The following LAMC3 variants were observed in gnomAD, a reference collection of about 807,000 sequenced individuals.
LAMC3 encodes the protein laminin subunit gamma-3.
Under a neutral mutation model 173.8 loss-of-function variants are expected in LAMC3, and 128 were observed. The ratio of observed to expected loss-of-function variants is 0.74; its 90% confidence interval spans 0.64 to 0.85. The LOEUF is 0.85. LAMC3 is among the 40% of genes least tolerant of loss of function. LAMC3 has a pLI of 0.00. For synonymous variants in LAMC3, 897 were observed against 909.1 expected (o/e 0.99, Z 0.24); for missense variants, 2,022 against 2,156.0 (o/e 0.94, Z 1.23).
At chr9:131,017,343 A>G (rs1415881043) in intron 1 of LAMC3, among the ~76,000 whole-genome samples, 1 of 152,168 alleles carries the variant, frequency 6.6e-6, no homozygotes, top group Non-Finnish European at 1.5e-5. Context: ...GCGATAGGAA[A>G]CATCCCGGCT....
chr9:131,039,578 C>T (rs940688990), intron 6 of LAMC3, among the ~76,000 whole-genome samples: 3 of 150,944 alleles, frequency 2.0e-5, no homozygotes, highest in African/African-American at 7.4e-5. Context: ...CTGGAGGAGC[C>T]GTGGATCAGT....
intron 13 of LAMC3, among the ~76,000 whole-genome samples, chr9:131,063,970 T>C (rs935152694): frequency 6.6e-5 from 10 of 152,130 alleles, no homozygotes; most frequent in Admixed American, 5.2e-4. Context: ...TGCGGTGGCA[T>C]GATCTCAGCT....
At position 131,067,395 on chromosome 9, in the gene LAMC3, C is replaced by G. The variant is rs3765565; in HGVS notation, c.2593+190C>G. On this transcript the variant is annotated intron_variant, in intron 14 of 27. Transcript: ENST00000361069. ...CCAGAAAGCACAAGGGTTTGCCCCTCTCCCAGGTCTCTTTCAGCCGGGAGA... is the reference window on the plus strand; with the variant it reads ...CCAGAAAGCACAAGGGTTTGCCCCTGTCCCAGGTCTCTTTCAGCCGGGAGA... Among the ~76,000 whole-genome samples, 114,172 of 152,032 alleles carry G rather than the reference C, an allele frequency of 0.75. 44,061 individuals are homozygous for G. Among genetic ancestry groups the G allele is most frequent in the Non-Finnish European group, 0.84 (56,928 of 67,968 alleles).
chr9:131,017,064 C>T (rs1028502608), intron 1 of LAMC3, among the ~76,000 whole-genome samples: 1 of 152,154 alleles, frequency 6.6e-6, no homozygotes, highest in South Asian at 2.1e-4. Context: ...AAACAGGGTC[C>T]GGATCTGGGG....
Position 131,026,498 on chromosome 9 carries a change from A to G in LAMC3, c.587A>G (p.Asp196Gly). 1 of 1,613,324 alleles carries G rather than the reference A, an allele frequency of 6.2e-7. No homozygotes were observed. The highest frequency in any genetic ancestry group is 8.5e-7 in the Non-Finnish European group (1 of 1,179,910). The change falls in exon 2 of 28, where the codon GAC (aspartate) becomes GGC (glycine). Residue 196 changes from aspartate to glycine, a missense_variant. Physicochemically the swap from Asp to Gly is moderately conservative, Grantham distance 94. Transcript: ENST00000361069. This position sits in a 1 kb window ranked among gnomAD's most constrained non-coding sequence, Gnocchi z 4.8. The stretch of plus-strand genomic sequence containing the variant: ...GCCTTCTGCACCTCTGAGTTCAGCG[A>G]CATCTCCCCGCTGAGTGGCGGCAAC... ...RVAFCTSEFS[D>G]ISPLSGGNVA...
chr9:131,050,895 C>T (rs925576061), intron 9 of LAMC3, among the ~76,000 whole-genome samples: 34 of 152,164 alleles, frequency 2.2e-4, no homozygotes, highest in African/African-American at 7.5e-4. Context: ...AACCATCTCA[C>T]GTGTAGAACG....
intron 15 of LAMC3, 74 bp downstream of exon 15, chr9:131,068,305 A>G: frequency 6.7e-7 from 1 of 1,503,108 alleles, no homozygotes; most frequent in South Asian, 1.2e-5. Context: ...GCCCCCAGGG[A>G]GGGGCCTGGT....
At chr9:131,059,718 A>T (rs1174326949) in intron 12 of LAMC3, among the ~76,000 whole-genome samples, 1 of 152,160 alleles carries the variant, frequency 6.6e-6, no homozygotes, top group Non-Finnish European at 1.5e-5. Flanking sequence ...TCAGTTTGTC[A>T]TCCCCACAGA....
intron 9 of LAMC3, among the ~76,000 whole-genome samples, chr9:131,049,973 T>TTCCC (rs1015123927): frequency 5.3e-5 from 8 of 152,174 alleles, no homozygotes; most frequent in African/African-American, 1.9e-4. Flanking sequence ...GCTCTGCCCT[T>TTCCC]TCCCTCCCTC....
Position 131,046,613 on chromosome 9 carries a change from C to T in LAMC3, c.1519+953C>T, listed in dbSNP as rs186508187. 3.9e-3 allele frequency among the ~76,000 whole-genome samples: 589 copies of T among 149,314 alleles called. 6 individuals carry two copies. The highest frequency in any genetic ancestry group is 0.013 in the African/African-American group (528 of 40,546). ...TCCTGAGCTCAGGCAATCCCGCCCACCTCGGCTTCCCAAAGTGCTGGGATT... is the reference window on the plus strand; with the variant it reads ...TCCTGAGCTCAGGCAATCCCGCCCATCTCGGCTTCCCAAAGTGCTGGGATT... On this transcript the variant is annotated intron_variant, in intron 8 of 27. Transcript: ENST00000361069.
At chr9:131,037,534 C>T (rs1833969036) in intron 4 of LAMC3, among the ~76,000 whole-genome samples, 1 of 152,204 alleles carries the variant, frequency 6.6e-6, no homozygotes, top group Non-Finnish European at 1.5e-5. Flanking sequence ...AACACGGCCT[C>T]ACTCTGTCAC....
At position 131,052,669 on chromosome 9, in the gene LAMC3, A is replaced by T. The variant is rs1391426351; in HGVS notation, c.1809A>T (p.Val603=). ...AGGATGCCGGGCATCCCAGGGAGGTAGAGCTCAGGTTCCAGTAAGTATCCC... is the reference window on the plus strand; with the variant it reads ...AGGATGCCGGGCATCCCAGGGAGGTTGAGCTCAGGTTCCAGTAAGTATCCC... The part of the protein sequence containing the change: ...GPQDAGHPRE[V]ELRFHLQETS... Residue 603 remains valine (V), a synonymous_variant, in exon 10 of 28, where the codon GTA becomes GTT. Transcript: ENST00000361069. 8 of 1,613,378 alleles carry T rather than the reference A, an allele frequency of 5.0e-6. No homozygotes were observed. The highest frequency in any genetic ancestry group is 6.8e-6 in the Non-Finnish European group (8 of 1,179,728).
At chr9:131,077,370 G>C (rs755903869) in intron 22 of LAMC3, 36 bp downstream of exon 22, 2 of 1,610,946 alleles carry the variant, frequency 1.2e-6, no homozygotes, top group East Asian at 2.2e-5. Context: ...GTGTGGGGTC[G>C]GGAGGATCTA....
intron 14 of LAMC3, among the ~76,000 whole-genome samples, chr9:131,067,745 A>G (rs1279165178): frequency 6.6e-6 from 1 of 151,662 alleles, no homozygotes. Flanking sequence ...CCAGGAGAAC[A>G]GGGTCACGGG....
intron 11 of LAMC3, 65 bp from the exon 12 acceptor site, chr9:131,056,864 T>C: frequency 1.5e-6 from 2 of 1,301,510 alleles, no homozygotes; most frequent in Non-Finnish European, 2.2e-6. Context: ...CAGGAAGGTT[T>C]TGGGGGGAAG....
At chr9:131,078,149 T>C (rs1164676098) in intron 22 of LAMC3, among the ~76,000 whole-genome samples, 1 of 152,166 alleles carries the variant, frequency 6.6e-6, no homozygotes, top group East Asian at 1.9e-4. Flanking sequence ...GGGTCCATCG[T>C]GTCGATTCAG....
At chr9:131,010,771 A>G (rs990351494) in intron 1 of LAMC3, among the ~76,000 whole-genome samples, 16 of 152,216 alleles carry the variant, frequency 1.1e-4, no homozygotes, top group Admixed American at 9.2e-4. Context: ...TGACTTGCCG[A>G]GGTGCAGAAG....
intron 22 of LAMC3, among the ~76,000 whole-genome samples, chr9:131,078,594 C>T (rs977956001): frequency 3.3e-5 from 5 of 152,224 alleles, no homozygotes; most frequent in African/African-American, 1.2e-4. Context: ...TTTGCTCCTC[C>T]CACTGCGTGC....
At chr9:131,085,797 G>A (rs1208326762) in intron 25 of LAMC3, 74 bp downstream of exon 25, 8 of 1,423,758 alleles carry the variant, frequency 5.6e-6, no homozygotes, top group East Asian at 2.3e-5. Flanking sequence ...GCCCCTTCCC[G>A]ACATCCGTGC....
Sources: allele counts gnomAD v4.1 joint callset (sites outside exome capture counted in the v4.1 genomes callset), GRCh38; gene constraint gnomAD v4.1.1; non-coding constraint Gnocchi (gnomAD v3.1); transcripts MANE v1.5; gene names NCBI Gene and HGNC (gene_info 2026-07-23, HGNC 2026-07-21).